Variants in LAP3 observed in about 807,000 individuals in gnomAD.
LAP3 encodes leucine aminopeptidase 3.
LAP3 carries 46 observed loss-of-function variants against 58.8 expected under a neutral mutation model. The ratio of observed to expected loss-of-function variants is 0.78; its 90% CI spans 0.62 to 1.00. The LOEUF (loss-of-function observed/expected upper bound fraction) is 1.00. Among genes scored for constraint, LAP3 ranks in the 50% least tolerant of loss-of-function variants. LAP3 has a pLI of 0.00. For missense variants in LAP3, 615 were observed against 659.1 expected (o/e 0.93, Z 0.73); for synonymous variants, 257 against 237.7 (o/e 1.08, Z -0.75).
chr4:17,577,586 C>G lies in LAP3; in HGVS notation c.102+19C>G. On this transcript the variant is annotated intron_variant, in intron 1 of 12. Coordinates refer to ENST00000226299, the MANE Select transcript of LAP3 (RefSeq NM_015907.3). ...GACGAAGGTGAGAGGCGGCGGCTCG[C>G]TCATGGTCCGCCGCTGGGGCCCTGC... 6.6e-7 allele frequency: 1 copy of G among 1,521,762 alleles called. No homozygotes were observed. The highest frequency in any genetic ancestry group is 8.9e-7 in the Non-Finnish European group (1 of 1,129,424). The allele number at this position is 1,521,762 out of a possible 1,614,324, so 94.3% of individuals were successfully genotyped here.
In LAP3 at chr4:17,604,590, G is replaced by A; in HGVS notation, c.1183G>A (p.Ala395Thr). 4 of 1,613,844 alleles carry A rather than the reference G, an allele frequency of 2.5e-6. No individual in the cohort carries two copies. Among genetic ancestry groups the A allele is most frequent in the Non-Finnish European group, 3.4e-6 (4 of 1,179,762 alleles). ...ACCTGAGGGCTTGTGTCTTACAGGT[G>A]CCATGGATGTAGCTTTGGGATCAGG... Reference protein sequence around the residue: ...VILNAATLTGAMDVALGSGAT... With the variant: ...VILNAATLTGTMDVALGSGAT... Residue 395 changes from alanine (A) to threonine (T), a missense_variant and splice_region_variant, in exon 11 of 13, where the codon GCC (alanine) becomes ACC (threonine). Coordinates refer to ENST00000226299, the MANE Select transcript of LAP3 (RefSeq NM_015907.3).
chr4:17,605,688 G>A lies in LAP3; in HGVS notation c.1260+1021G>A, dbSNP rs1328391305. Among the ~76,000 whole-genome samples, 3 of 152,112 alleles carry A rather than the reference G, an allele frequency of 2.0e-5. No individual in the cohort carries two copies. In the East Asian group the frequency reaches 5.8e-4, roughly 29 times the overall value. On this transcript the variant is annotated intron_variant, in intron 11 of 12. Coordinates refer to ENST00000226299, the MANE Select transcript of LAP3 (RefSeq NM_015907.3). ...AATTTTCCCAGTTCTGCAATACTCA[G>A]CCCCATCATCTTCTTCCAGGCCGGG...
At chr4:17,598,309 T>G in intron 9 of LAP3, 147 bp from the exon 10 acceptor site, 1 of 698,640 alleles carries the variant, frequency 1.4e-6, no homozygotes, top group Non-Finnish European at 2.6e-6. Flanking sequence ...TTAGATATGT[T>G]CCTATTCTCA....
At chr4:17,606,342 T>G (rs1443915869) in intron 11 of LAP3, among the ~76,000 whole-genome samples, 1 of 152,116 alleles carries the variant, frequency 6.6e-6, no homozygotes, top group Non-Finnish European at 1.5e-5. Flanking sequence ...TATTTTTTAT[T>G]TATTTATTTA....
At chr4:17,589,358 G>C (rs529398577) in intron 7 of LAP3, among the ~76,000 whole-genome samples, 2 of 152,032 alleles carry the variant, frequency 1.3e-5, no homozygotes, top group Non-Finnish European at 2.9e-5. Flanking sequence ...ACTGTGCCTG[G>C]CCGGTTTATA....
In LAP3 at chr4:17,577,438, G is replaced by C; in HGVS notation, c.-28G>C. On this transcript the variant is annotated 5_prime_UTR_variant, in exon 1 of 13. Transcript: ENST00000226299. ...CACCGCTCTCCACGTGCTCGCTGGA[G>C]GGCGGTGCGAGGGGCCGAGCCGACA... 6.6e-7 allele frequency: 1 copy of C among 1,517,640 alleles called. No homozygotes were observed. Among genetic ancestry groups the C allele is most frequent in the Non-Finnish European group, 8.9e-7 (1 of 1,127,356 alleles). The allele number at this position is 1,517,640 out of a possible 1,614,324, so 94.0% of individuals were successfully genotyped here.
intron 11 of LAP3, among the ~76,000 whole-genome samples, chr4:17,605,448 C>T (rs1383127724): frequency 1.3e-5 from 2 of 152,178 alleles, no homozygotes; most frequent in African/African-American, 4.8e-5. Flanking sequence ...TCTCCCGAGT[C>T]CCAGCCTCTG....
At chr4:17,596,972 G>C in intron 8 of LAP3, 74 bp from the exon 9 acceptor site, 1 of 1,348,994 alleles carries the variant, frequency 7.4e-7, no homozygotes, top group Non-Finnish European at 1.1e-6. Context: ...TGGCTCACAG[G>C]TGGCCTCTTG....
chr4:17,595,025 G>A (rs545882879), intron 7 of LAP3, among the ~76,000 whole-genome samples: 26 of 152,022 alleles, frequency 1.7e-4, no homozygotes, highest in Non-Finnish European at 2.6e-4. Flanking sequence ...AAGGCTGGGC[G>A]CGATGGCTAA....
At chr4:17,597,180 G>C (rs1483925616) in intron 9 of LAP3, 46 bp downstream of exon 9, 5 of 1,506,486 alleles carry the variant, frequency 3.3e-6, no homozygotes, top group Non-Finnish European at 4.6e-6. Context: ...CGTTCCTCAG[G>C]AATCCCGTGG....
At chr4:17,596,093 T>G (rs1713819886) in intron 8 of LAP3, among the ~76,000 whole-genome samples, 1 of 152,116 alleles carries the variant, frequency 6.6e-6, no homozygotes, top group South Asian at 2.1e-4. Flanking sequence ...TCTTGTCCAT[T>G]GCACAAGGAA....
chr4:17,588,226 A>G (rs1449544573), intron 6 of LAP3, among the ~76,000 whole-genome samples: 10 of 151,704 alleles, frequency 6.6e-5, no homozygotes, highest in Admixed American at 6.6e-4. Context: ...GTAGAGACCA[A>G]GTCTCAACTT....
chr4:17,590,257 ATGC>A (rs926618747), intron 7 of LAP3, among the ~76,000 whole-genome samples: 3 of 152,188 alleles, frequency 2.0e-5, no homozygotes, highest in African/African-American at 7.2e-5. Flanking sequence ...ACTTTGGAAA[ATGC>A]TGCTAGAGAA....
Position 17,583,480 on chromosome 4 carries a change from A to C in LAP3, c.380-3A>C, listed in dbSNP as rs1163060794. ...AGTTTTCTGATTCCTCTGTCTTTTC[A>C]AGCGGGGTGCAGGCAGATTCAAGAC... On this transcript the variant is annotated splice_polypyrimidine_tract_variant and splice_region_variant and intron_variant, in intron 4 of 12. Coordinates refer to ENST00000226299, the MANE Select transcript of LAP3 (RefSeq NM_015907.3). The C allele has an allele frequency of 6.2e-7, 1 of 1,613,422 alleles. No homozygotes were observed. The highest frequency in any genetic ancestry group is 1.1e-5 in the South Asian group (1 of 91,046).
At chr4:17,602,018 G>C (rs897855230) in intron 10 of LAP3, among the ~76,000 whole-genome samples, 21 of 152,172 alleles carry the variant, frequency 1.4e-4, no homozygotes, top group African/African-American at 5.1e-4. Context: ...TTCATGTAAA[G>C]ACATGGTTAA....
rs912901259 is a variant in LAP3 at position 17,599,046 on chromosome 4, A to C, written c.1180+488A>C. The stretch of plus-strand genomic sequence containing the variant: ...AGTCACTGTGCCTGGCCTAATTTTT[A>C]TATTTTAGTAGAGATGGGGTTTAAC... On this transcript the variant is annotated intron_variant, in intron 10 of 12. Coordinates refer to ENST00000226299, the MANE Select transcript of LAP3 (RefSeq NM_015907.3). Among the ~76,000 whole-genome samples, 12 of 151,730 alleles carry C rather than the reference A, an allele frequency of 7.9e-5. No homozygotes were observed. The East Asian group carries it at 2.1e-3, about 27-fold the overall frequency.
At chr4:17,603,293 G>A (rs1279634339) in intron 10 of LAP3, among the ~76,000 whole-genome samples, 1 of 151,932 alleles carries the variant, frequency 6.6e-6, no homozygotes, top group African/African-American at 2.4e-5. Context: ...GGGCAACAGA[G>A]CAAGACTCTG....
In LAP3 at chr4:17,583,603, A is replaced by G; in HGVS notation, c.500A>G (p.Gln167Arg). Residue 167 changes from glutamine to arginine, a missense_variant, in exon 5 of 13, where the codon CAA (glutamine) becomes CGA (arginine). Gln to Arg is a conservative substitution (Grantham distance 43). Coordinates refer to ENST00000226299, the MANE Select transcript of LAP3 (RefSeq NM_015907.3). ...LGLYEYDDLK[Q>R]KKKMAVSAKL... ...CTCTATGAATACGATGACCTAAAGC[A>G]AAAAAAGAAGATGGCTGTGTCGGCA... 1 of 1,614,116 alleles carries G rather than the reference A, an allele frequency of 6.2e-7. No homozygotes were observed. Among genetic ancestry groups the G allele is most frequent in the Non-Finnish European group, 8.5e-7 (1 of 1,180,002 alleles).
chr4:17,580,198 T>TC (rs1226582536), intron 2 of LAP3, among the ~76,000 whole-genome samples: 1 of 45,604 alleles, frequency 2.2e-5, no homozygotes, highest in East Asian at 1.7e-3. Context: ...TTTTTTTTTT[T>TC]CAGTAGAGTT....
Sources: allele counts gnomAD v4.1 joint callset (sites outside exome capture counted in the v4.1 genomes callset), GRCh38; gene constraint gnomAD v4.1.1; transcripts MANE v1.5; gene names NCBI Gene and HGNC (gene_info 2026-07-23, HGNC 2026-07-21).